SPAG16: variants seen among roughly 807,000 people sequenced by gnomAD.
SPAG16 encodes sperm associated antigen 16.
Under a neutral mutation model 80.4 loss-of-function variants are expected in SPAG16, and 86 were observed. The ratio of observed to expected loss-of-function variants is 1.07; its 90% confidence interval spans 0.90 to 1.28. The LOEUF is 1.28. Ranked by LOEUF, SPAG16 falls within the 50% of genes most tolerant of loss-of-function variation. The probability of loss-of-function intolerance (pLI) is 0.00; values close to 1 mark genes in which losing one functional copy is unlikely to be tolerated. For synonymous variants in SPAG16, 294 were observed against 265.9 expected, an observed-to-expected ratio of 1.11 and a Z score of -1.03; for missense variants, 870 against 765.3, an observed-to-expected ratio of 1.14 and a Z score of -1.61.
At chr2:214,141,225 T>A (rs1290134008) in intron 14 of SPAG16, among the ~76,000 whole-genome samples, 1 of 152,130 alleles carries the variant, frequency 6.6e-6, no homozygotes, top group Non-Finnish European at 1.5e-5. Flanking sequence ...TCCCAGCACT[T>A]TGGGAGGCCA....
intron 12 of SPAG16, among the ~76,000 whole-genome samples, chr2:213,984,389 G>A (rs1194636593): frequency 6.6e-6 from 1 of 152,100 alleles, no homozygotes; most frequent in African/African-American, 2.4e-5. Context: ...AAAATGCTAT[G>A]CAGTATATCA....
At chr2:214,366,505 G>T (rs1699492437) in intron 15 of SPAG16, among the ~76,000 whole-genome samples, 1 of 152,056 alleles carries the variant, frequency 6.6e-6, no homozygotes, top group Non-Finnish European at 1.5e-5. Flanking sequence ...AAACATATAT[G>T]TTTCTATATA....
chr2:213,527,053 C>A (rs2075910461), intron 10 of SPAG16, among the ~76,000 whole-genome samples: 1 of 152,226 alleles, frequency 6.6e-6, no homozygotes, highest in Admixed American at 6.5e-5. Flanking sequence ...TCTCACCCTT[C>A]CTCTCAGCTG....
At chr2:213,722,494 T>C (rs1574941816) in intron 10 of SPAG16, among the ~76,000 whole-genome samples, 1 of 152,310 alleles carries the variant, frequency 6.6e-6, no homozygotes, top group Middle Eastern at 3.4e-3. Flanking sequence ...GAAGGGCACA[T>C]GCAGAGCACA....
intron 15 of SPAG16, among the ~76,000 whole-genome samples, chr2:214,223,467 CA>C (rs921460891): frequency 3.8e-4 from 54 of 143,342 alleles, no homozygotes; most frequent in East Asian, 2.3e-3. Flanking sequence ...AGGGAGTAAC[CA>C]AAAAAAAAAT....
intron 10 of SPAG16, among the ~76,000 whole-genome samples, chr2:213,712,367 G>C (rs1226340415): frequency 6.6e-6 from 1 of 152,034 alleles, no homozygotes. Context: ...AAATATCATA[G>C]GTGACAGTGT....
intron 15 of SPAG16, among the ~76,000 whole-genome samples, chr2:214,404,198 C>G (rs1027019102): frequency 6.6e-6 from 1 of 151,994 alleles, no homozygotes; most frequent in South Asian, 2.1e-4. Flanking sequence ...ATCTTAAAAG[C>G]CATGCTAAGA....
At chr2:214,344,150 A>C (rs998910728) in intron 15 of SPAG16, among the ~76,000 whole-genome samples, 2 of 152,158 alleles carry the variant, frequency 1.3e-5, no homozygotes, top group African/African-American at 4.8e-5. Flanking sequence ...TATTGGAAAA[A>C]GGAGGTATGT....
At chr2:213,739,625 G>A (rs564984427) in intron 10 of SPAG16, among the ~76,000 whole-genome samples, 2 of 152,152 alleles carry the variant, frequency 1.3e-5, no homozygotes, top group East Asian at 1.9e-4. Context: ...CTCCTGAGAC[G>A]GAGTCTTGCT....
At chr2:213,891,866 C>T (rs2076796520) in intron 11 of SPAG16, among the ~76,000 whole-genome samples, 1 of 152,142 alleles carries the variant, frequency 6.6e-6, no homozygotes, top group African/African-American at 2.4e-5. Flanking sequence ...TGTTTCTGCA[C>T]TGGCAAAACT....
At chr2:213,367,461 A>C (rs2066369946) in intron 8 of SPAG16, among the ~76,000 whole-genome samples, 1 of 152,274 alleles carries the variant, frequency 6.6e-6, no homozygotes, top group Non-Finnish European at 1.5e-5. Flanking sequence ...TTGTTTCCTG[A>C]CTTTTTAATG....
intron 11 of SPAG16, among the ~76,000 whole-genome samples, chr2:213,877,227 C>A (rs753385590): frequency 6.6e-6 from 1 of 152,060 alleles, no homozygotes; most frequent in Admixed American, 6.6e-5. Context: ...TTTCCCCAAC[C>A]CTTAAATTAT....
intron 13 of SPAG16, among the ~76,000 whole-genome samples, chr2:214,046,366 C>T (rs2049327065): frequency 6.6e-6 from 1 of 151,994 alleles, no homozygotes; most frequent in Non-Finnish European, 1.5e-5. Context: ...CCAGTATTAC[C>T]CTGATACCAA....
chr2:214,138,048 C>G (rs1274336045), intron 14 of SPAG16, among the ~76,000 whole-genome samples: 1 of 152,032 alleles, frequency 6.6e-6, no homozygotes, highest in African/African-American at 2.4e-5. Context: ...TTTCTGGGCT[C>G]TTTGGCTGGT....
intron 15 of SPAG16, among the ~76,000 whole-genome samples, chr2:214,245,072 A>C (rs1010313644): frequency 4.6e-5 from 7 of 152,122 alleles, no homozygotes; most frequent in African/African-American, 1.7e-4. Context: ...TATTGTCTGA[A>C]TCTGCATTCT....
chr2:213,588,965 A>C (rs557470515), intron 10 of SPAG16, among the ~76,000 whole-genome samples: 1 of 152,226 alleles, frequency 6.6e-6, no homozygotes, highest in South Asian at 2.1e-4. Flanking sequence ...GTTCAAATTT[A>C]AACGATAATC....
At chr2:213,518,538 A>G (rs1227664569) in intron 10 of SPAG16, among the ~76,000 whole-genome samples, 1 of 152,156 alleles carries the variant, frequency 6.6e-6, no homozygotes, top group East Asian at 1.9e-4. Context: ...TACAGGCATG[A>G]GCTACCATGG....
intron 5 of SPAG16, among the ~76,000 whole-genome samples, chr2:213,319,782 T>C (rs898824129): frequency 3.9e-5 from 6 of 152,028 alleles, no homozygotes; most frequent in African/African-American, 1.4e-4. Context: ...GTTTGTTGAA[T>C]ATTATGTTTA....
rs553614489 is a variant in SPAG16, at chr2:214,011,364, CT to C, written c.1401-2586del. 2.4e-3 allele frequency among the ~76,000 whole-genome samples: 357 copies of C among 146,136 alleles called. 57 individuals carry two copies. Among genetic ancestry groups the C allele is most frequent in the African/African-American group, 9.4e-3 (349 of 37,320 alleles). On this transcript the variant is annotated intron_variant, in intron 12 of 15. Coordinates refer to ENST00000331683, the MANE Select transcript of SPAG16 (RefSeq NM_024532.5). ...AACTTATTCTGTAAGTTTTGGCACT[CT>C]CCTCAAAAAAGATTAAATGTCATAA... is the stretch of plus-strand genomic sequence containing the variant.
Sources: gnomAD v4.1 joint callset for allele counts (sites outside exome capture counted in the v4.1 genomes callset) on GRCh38, gnomAD v4.1.1 for gene constraint, MANE v1.5 for transcripts, NCBI Gene and HGNC (gene_info 2026-07-23, HGNC 2026-07-21) for gene names.